HDAC9: variants seen among roughly 807,000 people sequenced by gnomAD.
The protein encoded by HDAC9 is histone deacetylase 9, also known as MEF-2 interacting transcription repressor (MITR) protein.
Under a neutral mutation model 139.4 loss-of-function variants are expected in HDAC9, and 41 were observed. That is an observed-to-expected ratio of 0.29 (90% CI 0.23 to 0.38). The LOEUF is 0.38. Among genes scored for constraint, HDAC9 ranks in the 10% least tolerant of loss-of-function variants. The pLI is 1.00. For missense variants in HDAC9, 1,147 were observed against 1,297.0 expected (o/e 0.88, Z 1.78); for synonymous variants, 517 against 476.2 (o/e 1.09, Z -1.12).
chr7:18,667,501 T>C (rs1795163329), intron 12 of HDAC9: 1 of 984,568 alleles, frequency 1.0e-6, no homozygotes, highest in Non-Finnish European at 1.2e-6. Flanking sequence ...TTGTATATAA[T>C]GCACCTTCAG....
At chr7:18,801,323 T>A (rs1793266298) in intron 17 of HDAC9, among the ~76,000 whole-genome samples, 1 of 152,104 alleles carries the variant, frequency 6.6e-6, no homozygotes, top group African/African-American at 2.4e-5. Flanking sequence ...AATTTTACAT[T>A]GTATGAAATG....
chr7:18,681,432 A>T (rs1281946311), intron 12 of HDAC9, among the ~76,000 whole-genome samples: 1 of 151,876 alleles, frequency 6.6e-6, no homozygotes, highest in African/African-American at 2.4e-5. Context: ...ATCTTTAACA[A>T]TATTTGTTAT....
intron 22 of HDAC9, among the ~76,000 whole-genome samples, chr7:18,924,500 G>A: frequency 6.6e-6 from 1 of 151,956 alleles, no homozygotes; most frequent in Non-Finnish European, 1.5e-5. Flanking sequence ...TTTAAAATCA[G>A]GTATTTTGGT....
At chr7:18,734,810 A>T (rs1482702224) in intron 13 of HDAC9, among the ~76,000 whole-genome samples, 1 of 152,236 alleles carries the variant, frequency 6.6e-6, no homozygotes, top group African/African-American at 2.4e-5. Context: ...AGGAATCGCC[A>T]CACTGTGTTC....
chr7:18,218,445 A>G (rs1184380272), intron 2 of HDAC9, among the ~76,000 whole-genome samples: 1 of 151,906 alleles, frequency 6.6e-6, no homozygotes, highest in Non-Finnish European at 1.5e-5. Context: ...CTCTGTCTCA[A>G]AATAAATAAA....
At chr7:18,714,174 AGTTT>A (rs997170156) in intron 12 of HDAC9, among the ~76,000 whole-genome samples, 2 of 152,168 alleles carry the variant, frequency 1.3e-5, no homozygotes, top group Non-Finnish European at 2.9e-5. Flanking sequence ...CAAACCAAGG[AGTTT>A]GTTTTTTTCT....
intron 1 of HDAC9, among the ~76,000 whole-genome samples, chr7:18,318,633 G>C (rs925716213): frequency 8.5e-5 from 13 of 152,180 alleles, no homozygotes; most frequent in Non-Finnish European, 2.9e-5. Context: ...CAAGTTGCTA[G>C]TAAGTAGCAT....
At chr7:18,378,286 C>T (rs1227559788) in intron 1 of HDAC9, among the ~76,000 whole-genome samples, 1 of 152,022 alleles carries the variant, frequency 6.6e-6, no homozygotes, top group Non-Finnish European at 1.5e-5. Flanking sequence ...CAAACAAATA[C>T]CACAGTTAAA....
intron 22 of HDAC9, among the ~76,000 whole-genome samples, chr7:18,881,800 G>C (rs1440584515): frequency 6.6e-6 from 1 of 152,048 alleles, no homozygotes; most frequent in African/African-American, 2.4e-5. Context: ...TCTGTAATCA[G>C]GGACTCAATG....
At chr7:18,652,338 A>AT in intron 11 of HDAC9, among the ~76,000 whole-genome samples, 1 of 152,090 alleles carries the variant, frequency 6.6e-6, no homozygotes, top group South Asian at 2.1e-4. Flanking sequence ...GTAATAAGGT[A>AT]TTGGTAATTT....
intron 12 of HDAC9, among the ~76,000 whole-genome samples, chr7:18,669,358 G>C (rs1338698768): frequency 6.6e-6 from 1 of 151,790 alleles, no homozygotes; most frequent in Non-Finnish European, 1.5e-5. Flanking sequence ...TAAATTTAAA[G>C]AGAAAATAGT....
chr7:18,692,613 G>T (rs561176104), intron 12 of HDAC9, among the ~76,000 whole-genome samples: 1 of 152,190 alleles, frequency 6.6e-6, no homozygotes, highest in East Asian at 1.9e-4. Flanking sequence ...GGGGTTTCTT[G>T]TTAATTTCTG....
chr7:18,866,788 A>C (rs1162217443), intron 21 of HDAC9, among the ~76,000 whole-genome samples: 3 of 152,206 alleles, frequency 2.0e-5, no homozygotes, highest in African/African-American at 7.2e-5. Context: ...AGCACGTCAA[A>C]TGAGTGGGTA....
intron 1 of HDAC9, among the ~76,000 whole-genome samples, chr7:18,402,422 G>A (rs1210407606): frequency 6.6e-6 from 1 of 152,176 alleles, no homozygotes; most frequent in Non-Finnish European, 1.5e-5. Context: ...GAAAGAGCCT[G>A]TGCAAAGGCA....
chr7:18,406,226 A>G (rs1787991214), intron 1 of HDAC9, among the ~76,000 whole-genome samples: 1 of 152,172 alleles, frequency 6.6e-6, no homozygotes, highest in Non-Finnish European at 1.5e-5. Flanking sequence ...AAGTAGAGTT[A>G]ACACAAAACA....
chr7:18,184,503 A>T (rs1267779592), intron 2 of HDAC9, among the ~76,000 whole-genome samples: 1 of 152,232 alleles, frequency 6.6e-6, no homozygotes, highest in Non-Finnish European at 1.5e-5. Flanking sequence ...AATAGCCTGA[A>T]GGTAATTTTA....
intron 1 of HDAC9, among the ~76,000 whole-genome samples, chr7:18,362,422 A>G (rs1403665206): frequency 6.6e-6 from 1 of 152,196 alleles, no homozygotes; most frequent in Non-Finnish European, 1.5e-5. Flanking sequence ...AACTTAGATG[A>G]TCCAGTCATT....
intron 1 of HDAC9, among the ~76,000 whole-genome samples, chr7:18,468,559 C>T (rs1445723731): frequency 1.3e-5 from 2 of 152,038 alleles, no homozygotes; most frequent in Non-Finnish European, 2.9e-5. Context: ...AATCTCCTTC[C>T]TCAGTCTCCC....
intron 1 of HDAC9, among the ~76,000 whole-genome samples, chr7:18,469,289 G>A (rs1040487412): frequency 6.6e-6 from 1 of 152,034 alleles, no homozygotes; most frequent in Non-Finnish European, 1.5e-5. Flanking sequence ...CTTTCCCTTT[G>A]GGAAAGAAAA....
Sources: gnomAD v4.1 joint callset for allele counts (sites outside exome capture counted in the v4.1 genomes callset) on GRCh38, gnomAD v4.1.1 for gene constraint, MANE v1.5 for transcripts, NCBI Gene and HGNC (gene_info 2026-07-23, HGNC 2026-07-21) for gene names.